SHOC1: variants seen among roughly 807,000 people sequenced by gnomAD.
The protein encoded by SHOC1 is protein shortage in chiasmata 1 ortholog.
Under a neutral mutation model 179.2 loss-of-function variants are expected in SHOC1, and 136 were observed. The observed-to-expected ratio is 0.76, with a 90% CI of 0.66 to 0.87. The LOEUF (loss-of-function observed/expected upper bound fraction) is 0.87, where lower values mean the gene tolerates loss of function less well. Ranked by LOEUF, SHOC1 falls within the 40% of genes least tolerant of loss-of-function variation. SHOC1 has a pLI of 0.00. For synonymous variants in SHOC1, 489 were observed against 586.6 expected, an observed-to-expected ratio of 0.83 and a Z score of 2.41; for missense variants, 1,538 against 1,700.8, an observed-to-expected ratio of 0.90 and a Z score of 1.68.
At chr9:111,688,802 T>A (rs1831294816) in intron 27 of SHOC1, among the ~76,000 whole-genome samples, 2 of 131,648 alleles carry the variant, frequency 1.5e-5, no homozygotes, top group Admixed American at 8.0e-5. Context: ...CCATTTTCAA[T>A]ACTCTTGCTT....
rs749452060 is a variant in SHOC1, at chr9:111,722,446, C to G, written c.2094G>C (p.Lys698Asn). The change falls in exon 15 of 28, where the codon AAG becomes AAC. Residue 698 changes from lysine (K) to asparagine (N), a missense_variant. Physicochemically the swap from Lys to Asn is moderately conservative, Grantham distance 94 (BLOSUM62 0). Coordinates refer to ENST00000682961, the MANE Select transcript of SHOC1 (RefSeq NM_001378211.1). ...CATCACTTACTACTTTTTCTTGTTC[C>G]TTTAAGAGAAACCTTGTTTGGTCAA... Reference protein sequence around the residue: ...VIFDQTRFLLKEQEKVVSDAV... With the variant: ...VIFDQTRFLLNEQEKVVSDAV... The G allele has an allele frequency of 6.2e-7, 1 of 1,609,540 alleles. No homozygotes were observed. Among genetic ancestry groups the G allele is most frequent in the Non-Finnish European group, 8.5e-7 (1 of 1,179,068 alleles).
intron 15 of SHOC1, among the ~76,000 whole-genome samples, chr9:111,721,135 G>T (rs1272108681): frequency 2.0e-5 from 3 of 152,054 alleles, no homozygotes; most frequent in Non-Finnish European, 4.4e-5. Flanking sequence ...CTAAGTCTAG[G>T]GATAATTATC....
At position 111,779,113 on chromosome 9, in the gene SHOC1, AAAG is replaced by A. The variant is rs752947716; in HGVS notation, c.257+1814_257+1816del. 3.5e-3 allele frequency among the ~76,000 whole-genome samples: 372 copies of A among 106,246 alleles called. 2 individuals are homozygous for A. The highest frequency in any genetic ancestry group is 0.011 in the African/African-American group (348 of 30,968). 69.7% of individuals were successfully genotyped at this position (106,246 alleles called of 152,430 possible). A position where few individuals can be genotyped will look rare whatever the true frequency, so the allele number is the denominator to read the frequency against. ...GACTCTGTGTCAAAAAAAAAAAAAA[AAAG>A]AGAGAGAGAGAGAGAGAGATGAAGC... On this transcript the variant is annotated intron_variant, in intron 4 of 27. Transcript: ENST00000682961.
intron 11 of SHOC1, among the ~76,000 whole-genome samples, chr9:111,740,395 G>A (rs1290064470): frequency 6.6e-6 from 1 of 152,070 alleles, no homozygotes; most frequent in Non-Finnish European, 1.5e-5. Flanking sequence ...GCCTCCAAAT[G>A]CAACTCAGTG....
At chr9:111,717,197 A>G (rs1246056469) in intron 16 of SHOC1, among the ~76,000 whole-genome samples, 2 of 152,194 alleles carry the variant, frequency 1.3e-5, no homozygotes, top group African/African-American at 2.4e-5. Context: ...ATAAGAGAAA[A>G]TGTCTGGGTC....
intron 13 of SHOC1, among the ~76,000 whole-genome samples, chr9:111,724,417 G>T (rs12345832): frequency 2.0e-5 from 3 of 151,750 alleles, no homozygotes; most frequent in Non-Finnish European, 2.9e-5. Flanking sequence ...AGGGCTCACT[G>T]CAGCCTTGAC....
intron 13 of SHOC1, among the ~76,000 whole-genome samples, chr9:111,725,395 T>C (rs1396385625): frequency 1.3e-5 from 2 of 152,276 alleles, no homozygotes; most frequent in African/African-American, 2.4e-5. Flanking sequence ...AGTTGGGGAA[T>C]AGAATTTAGT....
intron 15 of SHOC1, among the ~76,000 whole-genome samples, chr9:111,719,526 T>C (rs1280852720): frequency 6.6e-6 from 1 of 152,208 alleles, no homozygotes; most frequent in Non-Finnish European, 1.5e-5. Flanking sequence ...ACCTGAGAAT[T>C]ACAGGACTGA....
intron 8 of SHOC1, among the ~76,000 whole-genome samples, chr9:111,751,462 A>G (rs1292476466): frequency 6.6e-6 from 1 of 152,212 alleles, no homozygotes; most frequent in East Asian, 1.9e-4. Context: ...GGCTGAGAAC[A>G]TCTTATTGTA....
intron 5 of SHOC1, among the ~76,000 whole-genome samples, chr9:111,765,870 C>T (rs1006558595): frequency 6.6e-6 from 1 of 151,932 alleles, no homozygotes; most frequent in East Asian, 2.0e-4. Flanking sequence ...CACACCACCA[C>T]ACCCAGCTTA....
chr9:111,695,142 A>T (rs1831631889), intron 24 of SHOC1, among the ~76,000 whole-genome samples: 1 of 151,836 alleles, frequency 6.6e-6, no homozygotes, highest in Non-Finnish European at 1.5e-5. Context: ...TCATCTTTTA[A>T]ATTTGATTGA....
At position 111,718,248 on chromosome 9, in the gene SHOC1, A is replaced by C. The variant is rs752301582; in HGVS notation, c.2172T>G (p.Ala724=). 6.3e-7 allele frequency: 1 copy of C among 1,597,396 alleles called. No individual in the cohort carries two copies. Among genetic ancestry groups the C allele is most frequent in the Admixed American group, 1.8e-5 (1 of 56,188 alleles). Residue 724 remains alanine, a synonymous_variant, in exon 16 of 28, where the codon GCT becomes GCG. Coordinates refer to ENST00000682961, the MANE Select transcript of SHOC1 (RefSeq NM_001378211.1). ...TAATTGTTACCAGAAGATGTAAGAG[A>C]GCGGCATGCTTGAAAGTCATTTCTC... is the stretch of plus-strand genomic sequence containing the variant. ...DEREMTFKHA[A]LLHLLVTIRD... is the part of the protein sequence containing the mutation.
At chr9:111,763,823 T>G (rs1004865104) in intron 5 of SHOC1, among the ~76,000 whole-genome samples, 4 of 152,118 alleles carry the variant, frequency 2.6e-5, no homozygotes, top group African/African-American at 9.7e-5. Flanking sequence ...GATAAAACTA[T>G]TGGTACACTT....
At chr9:111,688,916 A>T (rs1235817168) in intron 27 of SHOC1, among the ~76,000 whole-genome samples, 1 of 152,166 alleles carries the variant, frequency 6.6e-6, no homozygotes, top group Non-Finnish European at 1.5e-5. Context: ...AACTCACCTT[A>T]TATGGCTTTT....
intron 26 of SHOC1, among the ~76,000 whole-genome samples, chr9:111,692,770 T>C (rs975716158): frequency 2.0e-5 from 3 of 152,178 alleles, no homozygotes; most frequent in African/African-American, 4.8e-5. Context: ...GCAAATACAA[T>C]AGAATTTTAG....
chr9:111,750,305 A>G (rs149232769), intron 8 of SHOC1, among the ~76,000 whole-genome samples: 28 of 150,332 alleles, frequency 1.9e-4, no homozygotes, highest in Non-Finnish European at 3.4e-4. Flanking sequence ...TTTTTTTTTC[A>G]TGTTTGTTGG....
chr9:111,740,921 T>C (rs1041417287), intron 11 of SHOC1, among the ~76,000 whole-genome samples: 7 of 152,128 alleles, frequency 4.6e-5, no homozygotes, highest in Admixed American at 2.0e-4. Context: ...AGAGACTTGC[T>C]CCTTCACGTA....
rs750123450 is a variant in SHOC1 at position 111,727,892 on chromosome 9, T to C, written c.1575A>G (p.Ala525=). Residue 525 remains alanine (A), a synonymous_variant, in exon 13 of 28, where the codon GCA becomes GCG. Coordinates refer to ENST00000682961, the MANE Select transcript of SHOC1 (RefSeq NM_001378211.1). ...SDDYFSDKGA[A]KEEKPKNDQE... ...GGTCATTCTTTGGTTTTTCTTCTTTTGCTGCTCCTTTATCAGAGAAATAGT... is the reference window on the plus strand; with the variant it reads ...GGTCATTCTTTGGTTTTTCTTCTTTCGCTGCTCCTTTATCAGAGAAATAGT... 2 of 1,613,252 alleles carry C rather than the reference T, an allele frequency of 1.2e-6. No homozygotes were observed. Among genetic ancestry groups the C allele is most frequent in the East Asian group, 4.5e-5 (2 of 44,774 alleles).
chr9:111,688,599 T>G (rs1005538395), intron 27 of SHOC1, among the ~76,000 whole-genome samples: 1 of 151,804 alleles, frequency 6.6e-6, no homozygotes, highest in African/African-American at 2.4e-5. Context: ...GAGTAAATAA[T>G]AAACTGATAA....
Sources: allele counts gnomAD v4.1 joint callset (sites outside exome capture counted in the v4.1 genomes callset), GRCh38; gene constraint gnomAD v4.1.1; transcripts MANE v1.5; gene names NCBI Gene and HGNC (gene_info 2026-07-23, HGNC 2026-07-21).